Variants in NTRK3 observed in about 807,000 individuals in gnomAD.
NTRK3 encodes the protein neurotrophic receptor tyrosine kinase 3.
In NTRK3, 24 loss-of-function variants were observed where a neutral mutation model predicts 91.7. That is an observed-to-expected ratio of 0.26 (90% confidence interval 0.19 to 0.37). The LOEUF (loss-of-function observed/expected upper bound fraction) is 0.37. Among genes scored for constraint, NTRK3 ranks in the 10% least tolerant of loss-of-function variants. The pLI, the probability that NTRK3 is intolerant of heterozygous loss-of-function variation, is 1.00. For synonymous variants in NTRK3, 483 were observed against 404.0 expected (o/e 1.20, Z -2.34); for missense variants, 880 against 1,068.9 (o/e 0.82, Z 2.46).
chr15:88,141,165 G>A (rs953533336), intron 6 of NTRK3, among the ~76,000 whole-genome samples: 1 of 152,158 alleles, frequency 6.6e-6, no homozygotes, highest in Non-Finnish European at 1.5e-5. Flanking sequence ...AAGTCAAGAA[G>A]CCTTGGAGGT....
chr15:87,970,606 G>A lies in NTRK3; in HGVS notation c.1586-29853C>T, dbSNP rs529003114. On this transcript the variant is annotated intron_variant, in intron 14 of 18. Transcript: ENST00000394480. ...TTAGAATTGGAAAGAGGTAGAATAA[G>A]GTTTGTTTACAGCAGGACTTCTTGG... Among the ~76,000 whole-genome samples the A allele has an allele frequency of 2.0e-5, 3 of 152,186 alleles. No individual in the cohort carries two copies. The South Asian group carries it at 6.2e-4, about 32-fold the overall frequency.
chr15:88,002,393 T>C (rs1487115031), intron 14 of NTRK3, among the ~76,000 whole-genome samples: 2 of 151,934 alleles, frequency 1.3e-5, no homozygotes, highest in Non-Finnish European at 2.9e-5. Flanking sequence ...AAGGAAATGG[T>C]GAATCTGTGA....
At chr15:88,049,509 T>C (rs2080591629) in intron 13 of NTRK3, among the ~76,000 whole-genome samples, 5 of 152,308 alleles carry the variant, frequency 3.3e-5, no homozygotes, top group Admixed American at 3.3e-4. Flanking sequence ...TAATATTAAT[T>C]AGCTGATCCT....
intron 13 of NTRK3, among the ~76,000 whole-genome samples, chr15:88,086,880 G>A (rs963366464): frequency 6.6e-6 from 1 of 152,176 alleles, no homozygotes; most frequent in African/African-American, 2.4e-5. Context: ...GCCTGAAGGA[G>A]GGAGCTTTTC....
At chr15:88,108,519 C>A (rs1347901767) in intron 13 of NTRK3, among the ~76,000 whole-genome samples, 1 of 152,228 alleles carries the variant, frequency 6.6e-6, no homozygotes, top group East Asian at 1.9e-4. Context: ...GTGATCTACC[C>A]TCTCCAACTG....
At chr15:87,920,453 G>A (rs762385716) in intron 17 of NTRK3, among the ~76,000 whole-genome samples, 1 of 152,142 alleles carries the variant, frequency 6.6e-6, no homozygotes, top group Non-Finnish European at 1.5e-5. Context: ...CTCCTGATTA[G>A]CACAAAGCAC....
exon 19 of NTRK3, chr15:87,876,764 T>A (rs1399595433): frequency 1.6e-6 from 1 of 617,848 alleles, no homozygotes; most frequent in Non-Finnish European, 2.8e-6. Context: ...ACAGGGTTTT[T>A]TTTTCTTTCT....
chr15:88,045,984 G>A (rs536587855), intron 13 of NTRK3, among the ~76,000 whole-genome samples: 1 of 152,164 alleles, frequency 6.6e-6, no homozygotes, highest in Admixed American at 6.5e-5. Flanking sequence ...ACATTAACAG[G>A]TACTAGTGAT....
chr15:88,185,704 C>T (rs1018320592), intron 3 of NTRK3, among the ~76,000 whole-genome samples: 2 of 152,130 alleles, frequency 1.3e-5, no homozygotes, highest in African/African-American at 4.8e-5. Context: ...ACACTCTGTC[C>T]AGAAAAGTGA....
chr15:87,871,534 C>CTA (rs1273353698), exon 19 of NTRK3: 2 of 230,500 alleles, frequency 8.7e-6, no homozygotes, highest in African/African-American at 4.4e-5. Flanking sequence ...ATAGAAATGA[C>CTA]TCCTGTGTGG....
At chr15:88,082,081 CCTGA>C (rs1418953674) in intron 13 of NTRK3, among the ~76,000 whole-genome samples, 1 of 152,080 alleles carries the variant, frequency 6.6e-6, no homozygotes, top group Non-Finnish European at 1.5e-5. Context: ...TGGAGACCAT[CCTGA>C]CTAACACGGT....
chr15:88,057,023 G>C (rs986606123), intron 13 of NTRK3, among the ~76,000 whole-genome samples: 36 of 151,376 alleles, frequency 2.4e-4, no homozygotes, highest in African/African-American at 8.8e-4. Context: ...ACAAAAATTA[G>C]CCGGGCATGG....
intron 14 of NTRK3, among the ~76,000 whole-genome samples, chr15:88,002,086 A>C (rs1352849851): frequency 1.3e-5 from 2 of 150,416 alleles, no homozygotes; most frequent in Admixed American, 1.3e-4. Context: ...ACTCTTCATC[A>C]TTGGAATTAT....
At chr15:88,121,440 G>A (rs911670814) in intron 13 of NTRK3, among the ~76,000 whole-genome samples, 1 of 152,106 alleles carries the variant, frequency 6.6e-6, no homozygotes, top group South Asian at 2.1e-4. Context: ...CTGGAAATAC[G>A]GATACAGGAG....
chr15:87,896,279 C>A (rs982181686), intron 17 of NTRK3, among the ~76,000 whole-genome samples: 3 of 151,950 alleles, frequency 2.0e-5, no homozygotes, highest in African/African-American at 4.8e-5. Context: ...GAGATCATCC[C>A]GGCCAATATG....
chr15:87,902,484 G>C (rs1331667075), intron 17 of NTRK3, among the ~76,000 whole-genome samples: 3 of 152,152 alleles, frequency 2.0e-5, no homozygotes, highest in East Asian at 1.9e-4. Flanking sequence ...CTAAGATCAT[G>C]GTCTTGGGCA....
intron 14 of NTRK3, among the ~76,000 whole-genome samples, chr15:87,991,534 C>G (rs1283216043): frequency 6.6e-6 from 1 of 152,174 alleles, no homozygotes; most frequent in Non-Finnish European, 1.5e-5. Context: ...ACAATGGCAG[C>G]TGGCTTCTTG....
In NTRK3 at chr15:88,083,136, C is replaced by A. The variant is rs1182932591; in HGVS notation, c.1396+43135G>T. 2.0e-5 allele frequency among the ~76,000 whole-genome samples: 3 copies of A among 152,154 alleles called. No homozygotes were observed. The East Asian group carries it at 5.8e-4, about 29-fold the overall frequency. ...TCTCCTGATTTCAAGAATAGTATCA[C>A]AGAGATCTGCAACAGAAGTTACCAA... On this transcript the variant is annotated intron_variant, in intron 13 of 18. Coordinates refer to ENST00000394480, the Ensembl canonical transcript of NTRK3.
At chr15:88,043,830 G>C (rs1389928086) in intron 13 of NTRK3, among the ~76,000 whole-genome samples, 1 of 152,044 alleles carries the variant, frequency 6.6e-6, no homozygotes, top group Non-Finnish European at 1.5e-5. Flanking sequence ...GAGGAACTTG[G>C]GGTCTTATAG....
Sources: gnomAD v4.1 joint callset for allele counts (sites outside exome capture counted in the v4.1 genomes callset) on GRCh38, gnomAD v4.1.1 for gene constraint, MANE v1.5 for transcripts, NCBI Gene and HGNC (gene_info 2026-07-23, HGNC 2026-07-21) for gene names.